Variants in LCA5L observed in about 807,000 individuals in gnomAD.
LCA5L encodes the protein lebercilin LCA5 like, also known as lebercilin-like protein.
A neutral mutation model predicts 45.4 loss-of-function variants in LCA5L; 35 were observed. That is an observed-to-expected ratio of 0.77 (90% CI 0.59 to 1.02). LCA5L has a LOEUF of 1.02. Among genes scored for constraint, LCA5L ranks in the 50% least tolerant of loss-of-function variants. LCA5L has a pLI of 0.00. For synonymous variants in LCA5L, 233 were observed against 264.7 expected, an observed-to-expected ratio of 0.88 and a Z score of 1.16; for missense variants, 668 against 761.6, an observed-to-expected ratio of 0.88 and a Z score of 1.45.
At chr21:39,438,750 T>C (rs2076524439) in intron 2 of LCA5L, 1 of 151,448 alleles carries the variant, frequency 6.6e-6, no homozygotes, top group Non-Finnish European at 1.5e-5. Flanking sequence ...AAGAATCAGA[T>C]AAAACATATT....
At chr21:39,433,640 T>C (rs1231648916) in intron 3 of LCA5L, among the ~76,000 whole-genome samples, 3 of 152,192 alleles carry the variant, frequency 2.0e-5, no homozygotes, top group Non-Finnish European at 4.4e-5. Context: ...TCCCACTCAA[T>C]TGCCTTTGCA....
At chr21:39,416,743 C>CA (rs2041238699) in intron 7 of LCA5L, among the ~76,000 whole-genome samples, 1 of 152,090 alleles carries the variant, frequency 6.6e-6, no homozygotes, top group Non-Finnish European at 1.5e-5. Flanking sequence ...ATAAGATACA[C>CA]ACAACATTCT....
At chr21:39,429,906 G>A (rs563026515) in intron 3 of LCA5L, among the ~76,000 whole-genome samples, 52 of 152,118 alleles carry the variant, frequency 3.4e-4, no homozygotes, top group African/African-American at 1.1e-3. Context: ...TAGTCCCAGC[G>A]ACTTGGGAGG....
At chr21:39,434,716 C>T (rs953517105) in intron 3 of LCA5L, among the ~76,000 whole-genome samples, 1 of 152,054 alleles carries the variant, frequency 6.6e-6, no homozygotes, top group Non-Finnish European at 1.5e-5. Flanking sequence ...TAGGGTCTCA[C>T]TATGTTGCCC....
Position 39,406,240 on chromosome 21 carries a change from C to G in LCA5L, c.1655G>C (p.Ser552Thr). Residue 552 changes from serine (S) to threonine (T), a missense_variant, in exon 11 of 11, where the codon AGT becomes ACT. Ser to Thr is a moderately conservative substitution (Grantham distance 58). Coordinates refer to ENST00000288350, the MANE Select transcript of LCA5L (RefSeq NM_152505.4). Reference protein sequence around the residue: ...GPANAGNMRYSHSTGKHLSNR... With the variant: ...GPANAGNMRYTHSTGKHLSNR... ...ACTGAGATGCTTGCCTGTACTATGA[C>G]TGTACCTCATGTTGCCGGCATTGGC... 6.2e-7 allele frequency: 1 copy of G among 1,614,252 alleles called. No homozygotes were observed. The highest frequency in any genetic ancestry group is 1.3e-5 in the African/African-American group (1 of 75,064).
At position 39,433,560 on chromosome 21, in the gene LCA5L, A is replaced by T. The variant is rs1376175954; in HGVS notation, c.-92+1860T>A. Among the ~76,000 whole-genome samples the T allele has an allele frequency of 4.0e-5, 6 of 151,824 alleles. No homozygotes were observed. In the East Asian group the frequency reaches 1.2e-3, roughly 29 times the overall value. On this transcript the variant is annotated intron_variant, in intron 3 of 10. Coordinates refer to ENST00000288350, the MANE Select transcript of LCA5L (RefSeq NM_152505.4). ...ATCCATTTTGAGTTACTTATTATGG[A>T]TTAAAATTCATTTTTTGGTATATGG... is the stretch of plus-strand genomic sequence containing the variant.
At chr21:39,438,821 GTGTA>G (rs2076534910) in intron 2 of LCA5L, 1 of 152,202 alleles carries the variant, frequency 6.6e-6, no homozygotes, top group African/African-American at 2.4e-5. Flanking sequence ...AAGCATATCT[GTGTA>G]TGTGTAGATA....
chr21:39,428,134 C>G, intron 5 of LCA5L, 38 bp downstream of exon 5: 1 of 1,194,308 alleles, frequency 8.4e-7, no homozygotes, highest in Non-Finnish European at 1.2e-6. Context: ...ATCATTATGA[C>G]AGAAATTTGG....
At chr21:39,410,705 G>C in intron 8 of LCA5L, 1 of 389,586 alleles carries the variant, frequency 2.6e-6, no homozygotes, top group South Asian at 2.0e-5. Context: ...TCCTGTGGCG[G>C]AGCTCTTGAT....
Position 39,418,418 on chromosome 21 carries a change from G to A in LCA5L, c.975+2288C>T, listed in dbSNP as rs191378752. 3.3e-3 allele frequency among the ~76,000 whole-genome samples: 495 copies of A among 152,216 alleles called. 6 individuals carry two copies. The highest frequency in any genetic ancestry group is 0.01 in the Middle Eastern group (3 of 294). ...TTTAAAAATAAATTTGGATCTTACT[G>A]TATATAGAATTTTCTATCTTTTCAT... On this transcript the variant is annotated intron_variant, in intron 7 of 10. Transcript: ENST00000288350.
chr21:39,428,454 G>A lies in LCA5L; in HGVS notation c.40C>T (p.His14Tyr). 6.2e-7 allele frequency: 1 copy of A among 1,610,494 alleles called. No homozygotes were observed. The highest frequency in any genetic ancestry group is 8.5e-7 in the Non-Finnish European group (1 of 1,179,066). Reference sequence around the variant, plus strand: ...TTTTCTAATGCCACGCCGAAGAAATGCTCATCTATATTTGTTTTTGTTAGA... The same window carrying A: ...TTTTCTAATGCCACGCCGAAGAAATACTCATCTATATTTGTTTTTGTTAGA... ...ADLTKTNIDEHFFGVALENNR... is the reference protein window; with the variant it reads ...ADLTKTNIDEYFFGVALENNR... The change falls in exon 5 of 11, where the codon CAT becomes TAT. Residue 14 changes from histidine to tyrosine, a missense_variant. By Grantham distance (83) the His-to-Tyr change is moderately conservative. Transcript: ENST00000288350.
chr21:39,430,768 T>TGCTG (rs1333836773), intron 3 of LCA5L, among the ~76,000 whole-genome samples: 4 of 152,316 alleles, frequency 2.6e-5, no homozygotes, highest in Admixed American at 6.5e-5. Flanking sequence ...CAATGCCATA[T>TGCTG]GCTGGACACC....
At chr21:39,438,652 C>A (rs943965959) in intron 2 of LCA5L, 1 of 151,886 alleles carries the variant, frequency 6.6e-6, no homozygotes, top group African/African-American at 2.4e-5. Context: ...CACAGAAAAC[C>A]AAGAGTTATA....
At chr21:39,425,230 A>G (rs1349832629) in intron 5 of LCA5L, among the ~76,000 whole-genome samples, 2 of 152,178 alleles carry the variant, frequency 1.3e-5, no homozygotes. Context: ...ACCTTAAACT[A>G]CTGGTCCAAG....
At chr21:39,416,243 C>G (rs1044962427) in intron 7 of LCA5L, among the ~76,000 whole-genome samples, 1 of 152,206 alleles carries the variant, frequency 6.6e-6, no homozygotes, top group Non-Finnish European at 1.5e-5. Context: ...GTATCCTCCA[C>G]AAGTGACTCA....
At position 39,406,173 on chromosome 21, in the gene LCA5L, A is replaced by C. The variant is rs140223204; in HGVS notation, c.1722T>G (p.Tyr574Ter). The C allele has an allele frequency of 3.1e-6, 5 of 1,614,154 alleles. No individual in the cohort carries two copies. Among genetic ancestry groups the C allele is most frequent in the Non-Finnish European group, 4.2e-6 (5 of 1,180,054 alleles). ...EMELEHSDSG[Y>*]EPSFGKSSRI... ...TGGAAGACTTACCAAATGAGGGCTC[A>C]TACCCACTGTCAGAATGCTCTAGCT... Residue 574 changes from tyrosine to a stop codon, truncating the protein, a stop_gained, in exon 11 of 11, where the codon TAT becomes TAG. Transcript: ENST00000288350. LOFTEE classifies it low-confidence loss of function (END_TRUNC).
chr21:39,444,587 G>A (rs2077233583), intron 1 of LCA5L: 1 of 152,214 alleles, frequency 6.6e-6, no homozygotes, highest in African/African-American at 2.4e-5. Flanking sequence ...ATGCTCAAGT[G>A]GGGGAGGGGC....
chr21:39,413,541 G>C (rs115803683), intron 7 of LCA5L, among the ~76,000 whole-genome samples: 1,766 of 152,256 alleles, frequency 0.012, 34 homozygotes, highest in African/African-American at 0.04. Flanking sequence ...CATAAAATTA[G>C]TTTATTATCA....
At position 39,420,769 on chromosome 21, in the gene LCA5L, TAA is replaced by T; in HGVS notation, c.910_911del (p.Leu304SerfsTer21). Reference protein sequence around the residue: ...RQLAIETRKTLAAQTATKTLQ... With the variant: ...RQLAIETRKTXAAQTATKTLQ... ...GAGTCTTGGTAGCTGTCTGAGCTGC[TAA>T]AGTCTTCCGAGTCTCAATAGCCAGC... On this transcript the variant is annotated frameshift_variant, in exon 7 of 11. Transcript: ENST00000288350. LOFTEE classifies it high-confidence loss of function. 5 of 1,613,760 alleles carry T rather than the reference TAA, an allele frequency of 3.1e-6. No homozygotes were observed. The highest frequency in any genetic ancestry group is 4.2e-6 in the Non-Finnish European group (5 of 1,179,690).
Sources: gnomAD v4.1 joint callset for allele counts (sites outside exome capture counted in the v4.1 genomes callset) on GRCh38, gnomAD v4.1.1 for gene constraint, MANE v1.5 for transcripts, NCBI Gene and HGNC (gene_info 2026-07-23, HGNC 2026-07-21) for gene names.